INSC: variants seen among roughly 807,000 people sequenced by gnomAD.
INSC encodes protein inscuteable homolog.
A neutral mutation model predicts 58.6 loss-of-function variants in INSC; 67 were observed. The observed-to-expected ratio is 1.14, with a 90% CI of 0.94 to 1.40. The LOEUF (loss-of-function observed/expected upper bound fraction) is 1.40, where lower values mean the gene tolerates loss of function less well. INSC is among the 40% of genes most tolerant of loss of function. The probability of loss-of-function intolerance (pLI) is 0.00; values close to 1 mark genes in which losing one functional copy is unlikely to be tolerated. For missense variants in INSC, 714 were observed against 692.0 expected, an observed-to-expected ratio of 1.03 and a Z score of -0.36; for synonymous variants, 262 against 276.1, an observed-to-expected ratio of 0.95 and a Z score of 0.51.
At chr11:15,228,888 C>G (rs1851741461) in intron 9 of INSC, among the ~76,000 whole-genome samples, 1 of 152,196 alleles carries the variant, frequency 6.6e-6, no homozygotes, top group Non-Finnish European at 1.5e-5. Flanking sequence ...CTAGGCTCTT[C>G]TATACCCTTC....
intron 2 of INSC, among the ~76,000 whole-genome samples, chr11:15,153,157 G>A (rs1335824692): frequency 6.6e-6 from 1 of 152,228 alleles, no homozygotes; most frequent in Non-Finnish European, 1.5e-5. Context: ...CTGCCCTCAT[G>A]GAACTCAGTT....
At chr11:15,187,180 T>C (rs1027397031) in intron 5 of INSC, among the ~76,000 whole-genome samples, 1 of 152,194 alleles carries the variant, frequency 6.6e-6, no homozygotes, top group Non-Finnish European at 1.5e-5. Flanking sequence ...CCCAAAACAG[T>C]GTTCCAAGTT....
At chr11:15,113,399 T>C (rs768505552), upstream of INSC, among the ~76,000 whole-genome samples, 6 of 152,138 alleles carry the variant, frequency 3.9e-5, no homozygotes, top group Non-Finnish European at 8.8e-5. Context: ...GACTTTGTGA[T>C]CTATCCACCT....
At chr11:15,149,316 G>C in intron 2 of INSC, 86 bp downstream of exon 2, 1 of 1,311,120 alleles carries the variant, frequency 7.6e-7, no homozygotes, top group Non-Finnish European at 9.9e-7. Context: ...GAGGCTGCAG[G>C]TGACCCCATC....
At chr11:15,254,258 A>G in the INSC span, among the ~76,000 whole-genome samples, 1 of 152,188 alleles carries the variant, frequency 6.6e-6, no homozygotes, top group African/African-American at 2.4e-5. Flanking sequence ...GAAAGTAGGG[A>G]CTTAGTACCA....
At chr11:15,203,049 C>G (rs541916221) in intron 7 of INSC, among the ~76,000 whole-genome samples, 2 of 152,194 alleles carry the variant, frequency 1.3e-5, no homozygotes, top group Non-Finnish European at 2.9e-5. Context: ...GCACCAGAAC[C>G]TTGTGAGGTG....
At chr11:15,123,671 TAAG>T (rs1202716376) in intron 1 of INSC, among the ~76,000 whole-genome samples, 1 of 152,158 alleles carries the variant, frequency 6.6e-6, no homozygotes, top group Admixed American at 6.5e-5. Context: ...CGGATGATTC[TAAG>T]AAGGTCCCTG....
At chr11:15,258,033 C>T in the INSC span, among the ~76,000 whole-genome samples, 1 of 152,078 alleles carries the variant, frequency 6.6e-6, no homozygotes, top group Non-Finnish European at 1.5e-5. Flanking sequence ...GCATATGAGA[C>T]CTTTATTTCA....
Position 15,155,947 on chromosome 11 carries a change from AG to A in INSC, c.56+6721del, listed in dbSNP as rs1800878227. 2.0e-5 allele frequency among the ~76,000 whole-genome samples: 3 copies of A among 152,114 alleles called. No individual in the cohort carries two copies. In the South Asian group the frequency reaches 6.2e-4, roughly 32 times the overall value. ...GGAAAATTGTTCTCTTTGGCCTCTG[AG>A]GGGTCAGGCACAGTGACCTTCTCCA... On this transcript the variant is annotated intron_variant, in intron 2 of 12. Transcript: ENST00000379556.
upstream of INSC, among the ~76,000 whole-genome samples, chr11:15,111,622 C>T (rs79002950): frequency 5.3e-4 from 80 of 152,298 alleles, 1 homozygote; most frequent in African/African-American, 1.8e-3. Context: ...GTGTGTCTTT[C>T]TGTGCATCCA....
rs544613303 is a variant in INSC, at chr11:15,232,945, T to C, written c.1171-2657T>C. Among the ~76,000 whole-genome samples, 7 of 152,358 alleles carry C rather than the reference T, an allele frequency of 4.6e-5. No individual in the cohort carries two copies. The South Asian group carries it at 8.3e-4, about 18-fold the overall frequency. ...TTGATTTTTGCTATGTAAGACTCATTTAGAACTTCTGACTTCTAGAACTGC... is the reference window on the plus strand; with the variant it reads ...TTGATTTTTGCTATGTAAGACTCATCTAGAACTTCTGACTTCTAGAACTGC... On this transcript the variant is annotated intron_variant, in intron 9 of 12. Coordinates refer to ENST00000379556, the MANE Select transcript of INSC (RefSeq NM_001042536.3).
chr11:15,227,603 A>G (rs112442556), intron 9 of INSC, among the ~76,000 whole-genome samples: 59 of 152,258 alleles, frequency 3.9e-4, no homozygotes, highest in East Asian at 1.2e-3. Flanking sequence ...AGAGTTGGAG[A>G]GGTCCCTGTA....
intron 2 of INSC, among the ~76,000 whole-genome samples, chr11:15,153,674 T>C (rs1848721047): frequency 6.6e-6 from 1 of 152,164 alleles, no homozygotes; most frequent in African/African-American, 2.4e-5. Flanking sequence ...GGGACAATGA[T>C]TCAATAGTTA....
intron 2 of INSC, among the ~76,000 whole-genome samples, chr11:15,167,037 T>A (rs1849221320): frequency 6.6e-6 from 1 of 151,334 alleles, no homozygotes; most frequent in Admixed American, 6.6e-5. Context: ...TTATTATTAC[T>A]GGTGGATTTT....
chr11:15,177,298 T>C, intron 4 of INSC, 135 bp downstream of exon 4: 2 of 704,428 alleles, frequency 2.8e-6, no homozygotes, highest in Non-Finnish European at 4.9e-6. Flanking sequence ...TTTCTGACTT[T>C]TATCAGAAAT....
chr11:15,251,055 T>C (rs1445852921), downstream of INSC, among the ~76,000 whole-genome samples: 1 of 152,182 alleles, frequency 6.6e-6, no homozygotes, highest in African/African-American at 2.4e-5. Flanking sequence ...ACCTGTCTCA[T>C]TCTCATACCT....
At chr11:15,239,226 G>A (rs1461812563) in intron 11 of INSC, 152 bp downstream of exon 11, 3 of 922,174 alleles carry the variant, frequency 3.3e-6, no homozygotes, top group Non-Finnish European at 3.1e-6. Context: ...GCTCAGGGGT[G>A]CAGCCGCTGG....
At chr11:15,199,700 C>T (rs1245871222) in intron 6 of INSC, among the ~76,000 whole-genome samples, 1 of 152,126 alleles carries the variant, frequency 6.6e-6, no homozygotes, top group Non-Finnish European at 1.5e-5. Context: ...TAGTTAGACC[C>T]AGGAGTGATG....
At chr11:15,197,142 T>C (rs1589956664) in intron 6 of INSC, among the ~76,000 whole-genome samples, 2 of 152,190 alleles carry the variant, frequency 1.3e-5, no homozygotes, top group South Asian at 2.1e-4. Context: ...AGAAAGAATA[T>C]AAATAATTTA....
Sources: gnomAD v4.1 joint callset for allele counts (sites outside exome capture counted in the v4.1 genomes callset) on GRCh38, gnomAD v4.1.1 for gene constraint, MANE v1.5 for transcripts, NCBI Gene and HGNC (gene_info 2026-07-23, HGNC 2026-07-21) for gene names.